The following PPP1R15A variants were observed in gnomAD, a reference collection of about 807,000 sequenced individuals.
The protein encoded by PPP1R15A is growth arrest and DNA damage-inducible protein GADD34.
A neutral mutation model predicts 48.5 loss-of-function variants in PPP1R15A; 43 were observed. That is an observed-to-expected ratio of 0.89 (90% confidence interval 0.69 to 1.14). The LOEUF (loss-of-function observed/expected upper bound fraction) is 1.14, where lower values mean the gene tolerates loss of function less well. PPP1R15A is among the 50% of genes most tolerant of loss of function. The pLI is 0.00. For synonymous variants in PPP1R15A, 327 were observed against 327.4 expected (o/e 1.00, Z 0.01); for missense variants, 868 against 847.2 (o/e 1.02, Z -0.30).
At position 48,873,940 on chromosome 19, in the gene PPP1R15A, G is replaced by T. The variant is rs1278830703; in HGVS notation, c.707G>T (p.Arg236Ile). 6.2e-7 allele frequency: 1 copy of T among 1,613,924 alleles called. No individual in the cohort carries two copies. The highest frequency in any genetic ancestry group is 8.5e-7 in the Non-Finnish European group (1 of 1,179,990). The change falls in exon 2 of 3, where the codon AGA becomes ATA. Residue 236 changes from arginine (R) to isoleucine (I), a missense_variant. Transcript: ENST00000200453. ...EEENQATEDK[R>I]TERSKGARKT... is the part of the protein sequence containing the mutation. ...GAGAATCAAGCCACGGAGGATAAAAGAACAGAAAGAAGTAAAGGAGCCAGG... is the reference window on the plus strand; with the variant it reads ...GAGAATCAAGCCACGGAGGATAAAATAACAGAAAGAAGTAAAGGAGCCAGG...
At position 48,872,444 on chromosome 19, in the gene PPP1R15A, T is replaced by C. The variant is rs775316026; in HGVS notation, c.-217T>C. ...TTGCTCTTATCGGTTCCCATCCCAG[T>C]TGTTGATCTTATGCAAGACGCTGCA... On this transcript the variant is annotated 5_prime_UTR_variant, in exon 1 of 3. Transcript: ENST00000200453. The C allele has an allele frequency of 8.1e-5, 37 of 456,350 alleles. 1 individual carries two copies. The highest frequency in any genetic ancestry group is 4.0e-4 in the South Asian group (26 of 64,562). 28.3% of individuals were successfully genotyped at this position (456,350 alleles called of 1,614,324 possible). A position where few individuals can be genotyped will look rare whatever the true frequency, so the allele number is the denominator to read the frequency against.
At chr19:48,875,151 A>G (rs595051) in intron 2 of PPP1R15A, 143,984 of 390,816 alleles carry the variant, frequency 0.37, 29,630 homozygotes, top group African/African-American at 0.65. Flanking sequence ...GGCTGGTCTC[A>G]AACTCCTGAC....
Position 48,874,142 on chromosome 19 carries a change from G to A in PPP1R15A, c.909G>A (p.Trp303Ter). The A allele has an allele frequency of 6.2e-7, 1 of 1,614,216 alleles. No homozygotes were observed. The highest frequency in any genetic ancestry group is 8.5e-7 in the Non-Finnish European group (1 of 1,180,032). ...AGAGGCCCCAGCTCAAGTCCTGGTG[G>A]TGCCAACCCAGTGATGAAGAGGAGG... ...PAQRPQLKSWWCQPSDEEEGE... is the reference protein window; with the variant it reads ...PAQRPQLKSW Residue 303 changes from tryptophan (W) to a stop codon, truncating the protein, a stop_gained, in exon 2 of 3, where the codon TGG becomes TGA. Transcript: ENST00000200453. LOFTEE classifies it high-confidence loss of function.
At chr19:48,875,494 A>C in intron 2 of PPP1R15A, 120 bp from the exon 3 acceptor site, 1 of 1,317,762 alleles carries the variant, frequency 7.6e-7, no homozygotes, top group Non-Finnish European at 1.0e-6. Context: ...AGCCAGATAG[A>C]AAGCATTTTT....
chr19:48,873,450 A>G lies in PPP1R15A; in HGVS notation c.217A>G (p.Thr73Ala), dbSNP rs767205742. The change falls in exon 2 of 3, where the codon ACC (threonine) becomes GCC (alanine). Residue 73 changes from threonine to alanine, a missense_variant. Physicochemically the swap from Thr to Ala is moderately conservative, Grantham distance 58 (BLOSUM62 0). Coordinates refer to ENST00000200453, the MANE Select transcript of PPP1R15A (RefSeq NM_014330.5). Reference protein sequence around the residue: ...EARTPLAIPHTPWGRRPEEEA... With the variant: ...EARTPLAIPHAPWGRRPEEEA... Reference sequence around the variant, plus strand: ...TAGGACTCCTCTGGCAATCCCCCATACCCCTTGGGGCAGACGCCCTGAAGA... The same window carrying G: ...TAGGACTCCTCTGGCAATCCCCCATGCCCCTTGGGGCAGACGCCCTGAAGA... The G allele has an allele frequency of 3.1e-6, 5 of 1,613,616 alleles. No homozygotes were observed. In the South Asian group the frequency reaches 4.4e-5, roughly 14 times the overall value.
Position 48,873,509 on chromosome 19 carries a change from CAGAG to C in PPP1R15A, c.278_281del (p.Arg93LysfsTer5), listed in dbSNP as rs753561915. On this transcript the variant is annotated frameshift_variant, in exon 2 of 3. Coordinates refer to ENST00000200453, the MANE Select transcript of PPP1R15A (RefSeq NM_014330.5). LOFTEE classifies it high-confidence loss of function. ...AAGACAGTGGAGGCCCTGGAGAGGACAGAGAAACACTGGGGCTGAAAACCAGCAG... is the reference window on the plus strand; with the variant it reads ...AAGACAGTGGAGGCCCTGGAGAGGACAAACACTGGGGCTGAAAACCAGCAG... 1 of 1,614,186 alleles carries C rather than the reference CAGAG, an allele frequency of 6.2e-7. No individual in the cohort carries two copies. The highest frequency in any genetic ancestry group is 8.5e-7 in the Non-Finnish European group (1 of 1,180,036).
In PPP1R15A at chr19:48,874,537, G is replaced by T. The variant is rs780479208; in HGVS notation, c.1304G>T (p.Arg435Leu). ...ASAFLKAWVYRPGEDTEEEED... is the reference protein window; with the variant it reads ...ASAFLKAWVYLPGEDTEEEED... ...GCTTTCTTGAAGGCCTGGGTGTATC[G>T]GCCAGGAGAGGACACGGAGGAGGAG... is the stretch of plus-strand genomic sequence containing the variant. Residue 435 changes from arginine to leucine, a missense_variant, in exon 2 of 3, where the codon CGG (arginine) becomes CTG (leucine). Transcript: ENST00000200453. 6.2e-7 allele frequency: 1 copy of T among 1,613,856 alleles called. No individual in the cohort carries two copies. The highest frequency in any genetic ancestry group is 2.2e-5 in the East Asian group (1 of 44,878).
rs1363788943 is a variant in PPP1R15A at position 48,874,891 on chromosome 19, C to A, written c.1658C>A (p.Ala553Asp). The A allele has an allele frequency of 6.4e-7, 1 of 1,553,322 alleles. No individual in the cohort carries two copies. The highest frequency in any genetic ancestry group is 8.6e-7 in the Non-Finnish European group (1 of 1,156,410). Residue 553 changes from alanine to aspartate, a missense_variant, in exon 2 of 3, where the codon GCC (alanine) becomes GAC (aspartate). Physicochemically the swap from Ala to Asp is moderately radical, Grantham distance 126 (BLOSUM62 -2). Transcript: ENST00000200453. ...HDPDPETPLK[A>D]RKVRFSEKVT... ...CCGGACCCTGAGACTCCCCTAAAGG[C>A]CAGAAAGGTAGGTGCTGAGAGCCCA... is the stretch of plus-strand genomic sequence containing the variant.
intron 1 of PPP1R15A, 101 bp downstream of exon 1, chr19:48,872,752 A>G: frequency 3.4e-6 from 1 of 291,232 alleles, no homozygotes; most frequent in South Asian, 2.8e-5. Flanking sequence ...CTGAGGGAGG[A>G]GGGATCTGGA....
At position 48,872,571 on chromosome 19, in the gene PPP1R15A, C is replaced by T. The variant is rs2123242406; in HGVS notation, c.-90C>T. On this transcript the variant is annotated 5_prime_UTR_variant, in exon 1 of 3. Coordinates refer to ENST00000200453, the MANE Select transcript of PPP1R15A (RefSeq NM_014330.5). Reference sequence around the variant, plus strand: ...AGGGTGAGATGAACGCGCTGGCCTCCCTAACCGTCCGGACCTGTGATCGCT... The same window carrying T: ...AGGGTGAGATGAACGCGCTGGCCTCTCTAACCGTCCGGACCTGTGATCGCT... 4.4e-6 allele frequency: 2 copies of T among 450,154 alleles called. No homozygotes were observed. The highest frequency in any genetic ancestry group is 1.6e-5 in the South Asian group (1 of 64,162). 27.9% of individuals were successfully genotyped at this position (450,154 alleles called of 1,614,324 possible). A position where few individuals can be genotyped will look rare whatever the true frequency, so the allele number is the denominator to read the frequency against.
Position 48,874,506 on chromosome 19 carries a change from G to A in PPP1R15A, c.1273G>A (p.Ala425Thr), listed in dbSNP as rs2037054198. 1.9e-6 allele frequency: 3 copies of A among 1,610,226 alleles called. No individual in the cohort carries two copies. The East Asian group carries it at 6.7e-5, about 36-fold the overall frequency. The change falls in exon 2 of 3, where the codon GCA becomes ACA. Residue 425 changes from alanine to threonine, a missense_variant. Physicochemically the swap from Ala to Thr is moderately conservative, Grantham distance 58. Coordinates refer to ENST00000200453, the MANE Select transcript of PPP1R15A (RefSeq NM_014330.5). ...TGAGACTTCTGCTTCCACACCCCCTGCAAGTGCTTTCTTGAAGGCCTGGGT... is the reference window on the plus strand; with the variant it reads ...TGAGACTTCTGCTTCCACACCCCCTACAAGTGCTTTCTTGAAGGCCTGGGT... ...EAETSASTPPASAFLKAWVYR... is the reference protein window; with the variant it reads ...EAETSASTPPTSAFLKAWVYR...
rs778165768 is a variant in PPP1R15A, at chr19:48,874,277, G to T, written c.1044G>T (p.Glu348Asp). 3 of 1,614,010 alleles carry T rather than the reference G, an allele frequency of 1.9e-6. No homozygotes were observed. In the African/African-American group the frequency reaches 4.0e-5, roughly 22 times the overall value. ...FLKAWVYWPG[E>D]DTEEEEDEEE... ...AGGCCTGGGTGTATTGGCCAGGAGA[G>T]GACACAGAGGAAGAGGAAGATGAGG... Residue 348 changes from glutamate (E) to aspartate (D), a missense_variant, in exon 2 of 3, where the codon GAG (glutamate) becomes GAT (aspartate). Physicochemically the swap from Glu to Asp is conservative, Grantham distance 45. Coordinates refer to ENST00000200453, the MANE Select transcript of PPP1R15A (RefSeq NM_014330.5).
rs897075419 is a variant in PPP1R15A, at chr19:48,875,606, G to A, written c.1666-8G>A. 2 of 1,582,150 alleles carry A rather than the reference G, an allele frequency of 1.3e-6. No homozygotes were observed. The highest frequency in any genetic ancestry group is 1.7e-6 in the Non-Finnish European group (2 of 1,163,014). On this transcript the variant is annotated splice_region_variant and splice_polypyrimidine_tract_variant and intron_variant, in intron 2 of 2. Transcript: ENST00000200453. ...ATCTCCTGCCTGTGTCCCCATGTCT[G>A]CCCGCAGGTGCGCTTCTCCGAGAAG...
At position 48,873,765 on chromosome 19, in the gene PPP1R15A, T is replaced by C; in HGVS notation, c.532T>C (p.Ser178Pro). 6.2e-7 allele frequency: 1 copy of C among 1,613,930 alleles called. No homozygotes were observed. Among genetic ancestry groups the C allele is most frequent in the Non-Finnish European group, 8.5e-7 (1 of 1,179,972 alleles). Residue 178 changes from serine to proline, a missense_variant, in exon 2 of 3, where the codon TCT becomes CCT. Coordinates refer to ENST00000200453, the MANE Select transcript of PPP1R15A (RefSeq NM_014330.5). Reference sequence around the variant, plus strand: ...TGAAGAGGAGGGAGTTAACAAGTTCTCTTATCCACCATCACACCGGGAGTG... The same window carrying C: ...TGAAGAGGAGGGAGTTAACAAGTTCCCTTATCCACCATCACACCGGGAGTG... The part of the protein sequence containing the change: ...VAEEEGVNKF[S>P]YPPSHRECCP...
In PPP1R15A at chr19:48,875,732, G is replaced by GC; in HGVS notation, c.1785dup (p.Ile596HisfsTer90). 8.1e-6 allele frequency: 13 copies of GC among 1,613,148 alleles called. No individual in the cohort carries two copies. The highest frequency in any genetic ancestry group is 1.1e-5 in the Non-Finnish European group (13 of 1,179,522). On this transcript the variant is annotated frameshift_variant, in exon 3 of 3. Coordinates refer to ENST00000200453, the MANE Select transcript of PPP1R15A (RefSeq NM_014330.5). LOFTEE classifies it low-confidence loss of function (END_TRUNC). ...CGGGATCGCAGCCGCTTCGCACGCC[G>GC]CATCACCCAGGCCCAGGAGGAGCTG... is the stretch of plus-strand genomic sequence containing the variant.
In PPP1R15A at chr19:48,874,537, G is replaced by C; in HGVS notation, c.1304G>C (p.Arg435Pro). 2.5e-6 allele frequency: 4 copies of C among 1,613,856 alleles called. No homozygotes were observed. Among genetic ancestry groups the C allele is most frequent in the Non-Finnish European group, 3.4e-6 (4 of 1,179,904 alleles). The change falls in exon 2 of 3, where the codon CGG (arginine) becomes CCG (proline). Residue 435 changes from arginine (R) to proline (P), a missense_variant. Transcript: ENST00000200453. ...ASAFLKAWVY[R>P]PGEDTEEEED... ...GCTTTCTTGAAGGCCTGGGTGTATC[G>C]GCCAGGAGAGGACACGGAGGAGGAG...
At position 48,875,600 on chromosome 19, in the gene PPP1R15A, A is replaced by C; in HGVS notation, c.1666-14A>C. ...GTGTGCATCTCCTGCCTGTGTCCCC[A>C]TGTCTGCCCGCAGGTGCGCTTCTCC... On this transcript the variant is annotated splice_polypyrimidine_tract_variant and intron_variant, in intron 2 of 2. Transcript: ENST00000200453. 1.9e-6 allele frequency: 3 copies of C among 1,577,116 alleles called. No homozygotes were observed. The highest frequency in any genetic ancestry group is 2.6e-6 in the Non-Finnish European group (3 of 1,160,832).
At position 48,872,432 on chromosome 19, in the gene PPP1R15A, T is replaced by C. The variant is rs1400180373; in HGVS notation, c.-229T>C. The C allele has an allele frequency of 2.2e-6, 1 of 456,376 alleles. No homozygotes were observed. Among genetic ancestry groups the C allele is most frequent in the Non-Finnish European group, 4.4e-6 (1 of 226,798 alleles). The allele number at this position is 456,376 out of a possible 1,614,324, so 28.3% of individuals were successfully genotyped here. On this transcript the variant is annotated 5_prime_UTR_variant, in exon 1 of 3. Coordinates refer to ENST00000200453, the MANE Select transcript of PPP1R15A (RefSeq NM_014330.5). ...CCATTGTGTTCGTTGCTCTTATCGG[T>C]TCCCATCCCAGTTGTTGATCTTATG...
chr19:48,872,818 C>A (rs553679628), intron 1 of PPP1R15A, among the ~76,000 whole-genome samples, 167 bp downstream of exon 1: 1 of 152,164 alleles, frequency 6.6e-6, no homozygotes, highest in African/African-American at 2.4e-5. Flanking sequence ...GGGGTCGGGT[C>A]AGAATGTTTC....
Sources: gnomAD v4.1 joint callset for allele counts (sites outside exome capture counted in the v4.1 genomes callset) on GRCh38, gnomAD v4.1.1 for gene constraint, MANE v1.5 for transcripts, NCBI Gene and HGNC (gene_info 2026-07-23, HGNC 2026-07-21) for gene names.